DNAH8: variants seen among roughly 807,000 people sequenced by gnomAD.
DNAH8 encodes the protein axonemal beta dynein heavy chain 8.
A neutral mutation model predicts 562.1 loss-of-function variants in DNAH8; 382 were observed. The ratio of observed to expected loss-of-function variants is 0.68; its 90% CI spans 0.63 to 0.74. The LOEUF is 0.74. Among genes scored for constraint, DNAH8 ranks in the 30% least tolerant of loss-of-function variants. DNAH8 has a pLI of 0.00. For missense variants in DNAH8, 5,203 were observed against 5,620.4 expected (o/e 0.93, Z 2.37); for synonymous variants, 1,881 against 1,919.4 (o/e 0.98, Z 0.52).
intron 12 of DNAH8, among the ~76,000 whole-genome samples, chr6:38,774,844 C>T (rs1309869736): frequency 6.6e-6 from 1 of 152,198 alleles, no homozygotes; most frequent in Non-Finnish European, 1.5e-5. Context: ...CTGTAAATCC[C>T]AGTGGCCTGT....
At chr6:39,009,318 C>G (rs1766023421) in intron 89 of DNAH8, among the ~76,000 whole-genome samples, 1 of 148,056 alleles carries the variant, frequency 6.8e-6, no homozygotes, top group South Asian at 2.2e-4. Flanking sequence ...AAAAAAAACT[C>G]AAAAATCTTT....
intron 87 of DNAH8, among the ~76,000 whole-genome samples, chr6:38,988,903 G>T (rs1182098766): frequency 1.3e-5 from 2 of 152,066 alleles, no homozygotes; most frequent in Non-Finnish European, 2.9e-5. Context: ...TCTGACTCTT[G>T]CCTTAGTGCA....
rs1764232912 is a variant in DNAH8, at chr6:38,737,950, T to C, written c.1094T>C (p.Val365Ala). 1 of 1,609,340 alleles carries C rather than the reference T, an allele frequency of 6.2e-7. No individual in the cohort carries two copies. The highest frequency in any genetic ancestry group is 8.5e-7 in the Non-Finnish European group (1 of 1,178,004). ...TVHQLEEVLM[V>A]WYKQIEQVLI... is the part of the protein sequence containing the mutation. ...CATCAGCTGGAGGAAGTGCTGATGG[T>C]ATGGTACAAACAGATCGAACAGGTG... Residue 365 changes from valine to alanine, a missense_variant, in exon 7 of 93, where the codon GTA (valine) becomes GCA (alanine). Physicochemically the swap from Val to Ala is moderately conservative, Grantham distance 64. Transcript: ENST00000327475.
intron 11 of DNAH8, among the ~76,000 whole-genome samples, chr6:38,766,572 C>T (rs112711135): frequency 0.12 from 18,491 of 152,056 alleles, 1,381 homozygotes; most frequent in Admixed American, 0.22. Flanking sequence ...ATGCAACCTC[C>T]GCCTCCTGGG....
chr6:38,885,431 C>T (rs777825169), intron 56 of DNAH8, among the ~76,000 whole-genome samples: 11 of 152,184 alleles, frequency 7.2e-5, no homozygotes, highest in Admixed American at 1.3e-4. Context: ...CTCCTCACTG[C>T]CTCCTGTCTC....
intron 15 of DNAH8, 77 bp from the exon 16 acceptor site, chr6:38,781,177 A>G: frequency 6.7e-7 from 1 of 1,483,792 alleles, no homozygotes; most frequent in Non-Finnish European, 9.3e-7. Context: ...ATAAAACAAT[A>G]CAAATATAGC....
intron 12 of DNAH8, among the ~76,000 whole-genome samples, chr6:38,773,430 A>G (rs1434674718): frequency 4.6e-5 from 7 of 152,130 alleles, no homozygotes; most frequent in African/African-American, 1.2e-4. Flanking sequence ...CTCTGATGCT[A>G]GAGGAAGTGG....
intron 30 of DNAH8, 95 bp downstream of exon 30, chr6:38,828,383 T>C: frequency 1.6e-6 from 1 of 628,768 alleles, no homozygotes; most frequent in East Asian, 3.0e-5. Flanking sequence ...TATACAGTCA[T>C]GTGCCACATA....
intron 36 of DNAH8, among the ~76,000 whole-genome samples, chr6:38,847,789 A>G (rs1461547669): frequency 6.6e-6 from 1 of 152,160 alleles, no homozygotes; most frequent in Non-Finnish European, 1.5e-5. Flanking sequence ...AACTGTAGGT[A>G]GTTGGGGTTT....
chr6:38,797,242 A>C (rs1379308118), intron 21 of DNAH8, among the ~76,000 whole-genome samples: 2 of 152,092 alleles, frequency 1.3e-5, no homozygotes, highest in Non-Finnish European at 2.9e-5. Context: ...AAAAGTATAA[A>C]AATTAGTCGG....
At chr6:39,024,967 G>A (rs1368395653) in intron 91 of DNAH8, among the ~76,000 whole-genome samples, 2 of 152,122 alleles carry the variant, frequency 1.3e-5, no homozygotes, top group African/African-American at 4.8e-5. Context: ...TCCTATTTTA[G>A]TGGGCACTCC....
intron 82 of DNAH8, among the ~76,000 whole-genome samples, chr6:38,968,681 A>G (rs1011773227): frequency 6.6e-6 from 1 of 152,206 alleles, no homozygotes; most frequent in African/African-American, 2.4e-5. Flanking sequence ...TACATTGCCA[A>G]CGGAAATGTA....
chr6:38,970,680 T>C (rs1763275434), intron 82 of DNAH8, among the ~76,000 whole-genome samples: 1 of 152,220 alleles, frequency 6.6e-6, no homozygotes, highest in African/African-American at 2.4e-5. Flanking sequence ...CAGCTTCTTA[T>C]AGTCTCTACC....
chr6:38,828,772 A>C (rs1468500408), intron 30 of DNAH8, among the ~76,000 whole-genome samples: 1 of 152,192 alleles, frequency 6.6e-6, no homozygotes, highest in African/African-American at 2.4e-5. Flanking sequence ...ATTTTAAAGC[A>C]TACAATTCAG....
intron 85 of DNAH8, 113 bp downstream of exon 85, chr6:38,974,642 C>A: frequency 1.2e-6 from 1 of 809,370 alleles, no homozygotes; most frequent in Non-Finnish European, 2.0e-6. Flanking sequence ...TCCTTACTCT[C>A]TTTTCCTTCA....
At chr6:38,951,223 C>A in intron 81 of DNAH8, 95 bp from the exon 82 acceptor site, 1 of 1,055,476 alleles carries the variant, frequency 9.5e-7, no homozygotes, top group Non-Finnish European at 1.4e-6. Flanking sequence ...TAACTTGTTG[C>A]CCTTTTGCTA....
chr6:38,791,850 G>A (rs937331993), intron 21 of DNAH8, among the ~76,000 whole-genome samples, 176 bp downstream of exon 21: 1 of 151,918 alleles, frequency 6.6e-6, no homozygotes, highest in African/African-American at 2.4e-5. Flanking sequence ...AAGAGCCCTG[G>A]CCACAACCTA....
At chr6:38,886,271 A>C (rs1287151897) in intron 56 of DNAH8, among the ~76,000 whole-genome samples, 1 of 152,146 alleles carries the variant, frequency 6.6e-6, no homozygotes, top group Non-Finnish European at 1.5e-5. Context: ...AAAAAAAACA[A>C]GCCTCTGAAA....
intron 7 of DNAH8, among the ~76,000 whole-genome samples, chr6:38,738,539 G>A (rs866224777): frequency 4.6e-5 from 7 of 152,074 alleles, no homozygotes; most frequent in Admixed American, 1.3e-4. Flanking sequence ...AAAGAAAATC[G>A]GATATTACAT....
Sources: gnomAD v4.1 joint callset for allele counts (sites outside exome capture counted in the v4.1 genomes callset) on GRCh38, gnomAD v4.1.1 for gene constraint, MANE v1.5 for transcripts, NCBI Gene and HGNC (gene_info 2026-07-23, HGNC 2026-07-21) for gene names.